The following UST variants were observed in gnomAD, a reference collection of about 807,000 sequenced individuals.
The protein encoded by UST is chondroitin sulfate 2-O-sulfotransferase.
Under a neutral mutation model 45.6 loss-of-function variants are expected in UST, and 21 were observed. The ratio of observed to expected loss-of-function variants is 0.46; its 90% CI spans 0.33 to 0.66. UST has a LOEUF of 0.66. Among genes scored for constraint, UST ranks in the 30% least tolerant of loss-of-function variants. The probability of loss-of-function intolerance (pLI) is 0.02; values close to 1 mark genes in which losing one functional copy is unlikely to be tolerated. For missense variants in UST, 463 were observed against 512.4 expected (o/e 0.90, Z 0.93); for synonymous variants, 215 against 200.6 (o/e 1.07, Z -0.61).
At chr6:148,937,420 T>C (rs1780045213) in intron 2 of UST, among the ~76,000 whole-genome samples, 1 of 152,236 alleles carries the variant, frequency 6.6e-6, no homozygotes, top group South Asian at 2.1e-4. Flanking sequence ...AATAACAAAC[T>C]TTCAAACTAT....
intron 1 of UST, among the ~76,000 whole-genome samples, chr6:148,882,684 G>C (rs1778845041): frequency 6.6e-6 from 1 of 152,130 alleles, no homozygotes; most frequent in African/African-American, 2.4e-5. Context: ...GGTGTCAACA[G>C]TAGTCAGCCT....
intron 1 of UST, among the ~76,000 whole-genome samples, chr6:148,782,130 T>TGCAGTGGCGCGATC (rs1776655033): frequency 6.6e-6 from 1 of 151,976 alleles, no homozygotes; most frequent in African/African-American, 2.4e-5. Context: ...CAGGCTGGAG[T>TGCAGTGGCGCGATC]TTTTATAAGG....
At chr6:148,949,391 C>G (rs1265145995) in intron 3 of UST, among the ~76,000 whole-genome samples, 4 of 131,922 alleles carry the variant, frequency 3.0e-5, no homozygotes, top group Non-Finnish European at 6.3e-5. Flanking sequence ...GAGACTTTGT[C>G]TCAAAATAAT....
chr6:148,836,496 G>A (rs934897021), intron 1 of UST, among the ~76,000 whole-genome samples: 9 of 152,268 alleles, frequency 5.9e-5, no homozygotes, highest in Admixed American at 1.3e-4. Flanking sequence ...TGATTCCAGC[G>A]TTCAGGCACG....
chr6:149,042,447 A>G (rs1354339433), intron 7 of UST, among the ~76,000 whole-genome samples: 1 of 152,154 alleles, frequency 6.6e-6, no homozygotes, highest in Admixed American at 6.5e-5. Flanking sequence ...GCCGTGGGAT[A>G]TGGTGAGAAA....
At chr6:149,070,155 T>C (rs961635178) in intron 7 of UST, among the ~76,000 whole-genome samples, 1 of 152,234 alleles carries the variant, frequency 6.6e-6, no homozygotes, top group East Asian at 1.9e-4. Context: ...ACACAATGTA[T>C]AGTGCTCTAA....
chr6:148,891,486 G>T (rs1167492754), intron 2 of UST, among the ~76,000 whole-genome samples: 4 of 152,172 alleles, frequency 2.6e-5, no homozygotes, highest in Non-Finnish European at 1.5e-5. Flanking sequence ...CTCTATAAAT[G>T]ATATAAGAGA....
chr6:149,039,643 C>T (rs1776283356), intron 7 of UST, among the ~76,000 whole-genome samples: 1 of 152,172 alleles, frequency 6.6e-6, no homozygotes. Flanking sequence ...CTGTCTGGCT[C>T]CAAACCCTGT....
chr6:148,833,069 A>G (rs184183529), intron 1 of UST, among the ~76,000 whole-genome samples: 13 of 152,336 alleles, frequency 8.5e-5, no homozygotes. Flanking sequence ...CTCCTGAGAA[A>G]AAGCACCAGA....
chr6:148,946,015 T>C (rs892610485), intron 3 of UST, among the ~76,000 whole-genome samples: 4 of 152,220 alleles, frequency 2.6e-5, no homozygotes, highest in African/African-American at 9.7e-5. Flanking sequence ...AGCTTCCTTA[T>C]CAAAACACTA....
At chr6:149,044,642 G>A (rs930694125) in intron 7 of UST, among the ~76,000 whole-genome samples, 2 of 152,312 alleles carry the variant, frequency 1.3e-5, no homozygotes, top group Admixed American at 1.3e-4. Context: ...ATTCGGCCAT[G>A]GGGTTTATTG....
At position 148,896,319 on chromosome 6, in the gene UST, G is replaced by A. The variant is rs146456067; in HGVS notation, c.291+9290G>A. On this transcript the variant is annotated intron_variant, in intron 2 of 7. Coordinates refer to ENST00000367463, the MANE Select transcript of UST (RefSeq NM_005715.3). ...GGATATAGACATGCCCATCCACCTG[G>A]TTTTCCTCTTCTCTGTGAGGACCTG... Among the ~76,000 whole-genome samples, 86 of 152,298 alleles carry A rather than the reference G, an allele frequency of 5.6e-4. No individual in the cohort carries two copies. In the East Asian group the frequency reaches 0.011, roughly 19 times the overall value.
chr6:148,850,581 C>G lies in UST; in HGVS notation c.248-36405C>G, dbSNP rs947332668. Among the ~76,000 whole-genome samples the G allele has an allele frequency of 3.9e-5, 6 of 152,238 alleles. No individual in the cohort carries two copies. In the South Asian group the frequency reaches 1.2e-3, roughly 32 times the overall value. On this transcript the variant is annotated intron_variant, in intron 1 of 7. Coordinates refer to ENST00000367463, the MANE Select transcript of UST (RefSeq NM_005715.3). Reference sequence around the variant, plus strand: ...GTGGCCTCATTATGATTCTGAAGGGCAACATAAAATGCTTCCCAGATGAAT... The same window carrying G: ...GTGGCCTCATTATGATTCTGAAGGGGAACATAAAATGCTTCCCAGATGAAT...
chr6:149,073,840 G>A lies in UST; in HGVS notation c.945G>A (p.Arg315=). 6.2e-7 allele frequency: 1 copy of A among 1,613,176 alleles called. No homozygotes were observed. Among genetic ancestry groups the A allele is most frequent in the Non-Finnish European group, 8.5e-7 (1 of 1,179,162 alleles). Residue 315 remains arginine (R), a synonymous_variant, in exon 8 of 8, where the codon AGG becomes AGA. Transcript: ENST00000367463. ...VLSIYKDPEH[R]KLGNMTVTVK... is the part of the protein sequence containing the mutation. ...ACCCCGGTTCTCTTCCAGAGCACAGGAAGCTTGGAAACATGACTGTGACGG... is the reference window on the plus strand; with the variant it reads ...ACCCCGGTTCTCTTCCAGAGCACAGAAAGCTTGGAAACATGACTGTGACGG...
chr6:148,915,059 C>G (rs1779559158), intron 2 of UST, among the ~76,000 whole-genome samples: 1 of 151,964 alleles, frequency 6.6e-6, no homozygotes, highest in Non-Finnish European at 1.5e-5. Context: ...TCTCTGGGGT[C>G]TTTTTTTATA....
chr6:149,018,204 A>T (rs926152493), intron 5 of UST, among the ~76,000 whole-genome samples: 8 of 152,194 alleles, frequency 5.3e-5, no homozygotes, highest in Non-Finnish European at 1.2e-4. Flanking sequence ...TGAACTAAAA[A>T]AATTGTTACT....
chr6:148,871,081 C>T (rs914015588), intron 1 of UST, among the ~76,000 whole-genome samples: 11 of 139,240 alleles, frequency 7.9e-5, no homozygotes, highest in Non-Finnish European at 1.2e-4. Context: ...GATTGGGGGC[C>T]TTATAAGGAC....
chr6:148,804,529 C>T (rs1328759006), intron 1 of UST, among the ~76,000 whole-genome samples: 1 of 152,172 alleles, frequency 6.6e-6, no homozygotes, highest in African/African-American at 2.4e-5. Flanking sequence ...CCCATGTAAA[C>T]AGCCTGCACC....
intron 7 of UST, among the ~76,000 whole-genome samples, chr6:149,058,345 ATGTGTG>A (rs56994081): frequency 0.29 from 34,203 of 119,290 alleles, 4,152 homozygotes; most frequent in African/African-American, 0.33. Context: ...AAGGAGGAGC[ATGTGTG>A]TGTGTGTGTG....
Sources: allele counts gnomAD v4.1 joint callset (sites outside exome capture counted in the v4.1 genomes callset), GRCh38; gene constraint gnomAD v4.1.1; transcripts MANE v1.5; gene names NCBI Gene and HGNC (gene_info 2026-07-23, HGNC 2026-07-21).